The following TMEM68 variants were observed in gnomAD, a reference collection of about 807,000 sequenced individuals.
The protein encoded by TMEM68 is transmembrane protein 68, also known as DGAT1/2-independent enzyme synthesizing storage lipids.
A neutral mutation model predicts 36.9 loss-of-function variants in TMEM68; 25 were observed. The ratio of observed to expected loss-of-function variants is 0.68; its 90% CI spans 0.49 to 0.95. The LOEUF (loss-of-function observed/expected upper bound fraction) is 0.95, where lower values mean the gene tolerates loss of function less well. TMEM68 is among the 40% of genes least tolerant of loss of function. The pLI is 0.00. For missense variants in TMEM68, 333 were observed against 392.0 expected, an observed-to-expected ratio of 0.85 and a Z score of 1.27; for synonymous variants, 131 against 124.4, an observed-to-expected ratio of 1.05 and a Z score of -0.35.
At chr8:55,747,413 T>C (rs950882824) in intron 5 of TMEM68, 1 of 152,164 alleles carries the variant, frequency 6.6e-6, no homozygotes, top group South Asian at 2.1e-4. Context: ...TAAAATTTGA[T>C]GGAGTTAACT....
chr8:55,754,697 A>AATACATACTTATATATATATTATAT (rs1810531512), intron 4 of TMEM68, among the ~76,000 whole-genome samples: 1 of 130,192 alleles, frequency 7.7e-6, no homozygotes, highest in Admixed American at 8.9e-5. Flanking sequence ...TTATATATGA[A>AATACATACTTATATATATATTATAT]ATACATACTT....
intron 3 of TMEM68, among the ~76,000 whole-genome samples, chr8:55,759,928 C>G (rs1446842104): frequency 6.6e-6 from 1 of 152,240 alleles, no homozygotes; most frequent in Non-Finnish European, 1.5e-5. Context: ...TCCTTCCACA[C>G]TGCAAGCCCT....
chr8:55,754,719 A>ATATATAAAATACATACTTATATATAT (rs1810535390), intron 4 of TMEM68, among the ~76,000 whole-genome samples: 3 of 128,222 alleles, frequency 2.3e-5, no homozygotes, highest in Non-Finnish European at 4.7e-5. Flanking sequence ...TATATATATT[A>ATATATAAAATACATACTTATATATAT]TATATAAAAT....
chr8:55,767,851 C>T lies in TMEM68; in HGVS notation c.-114-3871G>A, dbSNP rs142225216. 4.5e-3 allele frequency among the ~76,000 whole-genome samples: 687 copies of T among 152,152 alleles called. 6 individuals carry two copies. In the East Asian group the frequency reaches 0.049, roughly 11 times the overall value. ...ACTTGGGAGGCTGAGGCAGGAGAAT[C>T]GCTTGGACCTGGGAGGCGGAGGTGC... On this transcript the variant is annotated intron_variant, in intron 1 of 7. Coordinates refer to ENST00000434581, the MANE Select transcript of TMEM68 (RefSeq NM_001286657.2).
chr8:55,740,217 G>A lies in TMEM68; in HGVS notation c.890C>T (p.Thr297Met). Residue 297 changes from threonine to methionine, a missense_variant and splice_region_variant, in exon 8 of 8, where the codon ACG (threonine) becomes ATG (methionine). Physicochemically the swap from Thr to Met is moderately conservative, Grantham distance 81. Coordinates refer to ENST00000434581, the MANE Select transcript of TMEM68 (RefSeq NM_001286657.2). The stretch of plus-strand genomic sequence containing the variant: ...AATCAAAGCTTGAACAGCATTCTTC[G>A]TCTATTAAGAAAACAAAAGAAAAGC... ...QITAEELAEKTKNAVQALIDK... is the reference protein window; with the variant it reads ...QITAEELAEKMKNAVQALIDK... 4.3e-6 allele frequency: 7 copies of A among 1,611,034 alleles called. No individual in the cohort carries two copies. The highest frequency in any genetic ancestry group is 2.2e-5 in the East Asian group (1 of 44,782).
At chr8:55,759,275 A>T (rs1020115423) in intron 3 of TMEM68, among the ~76,000 whole-genome samples, 3 of 147,560 alleles carry the variant, frequency 2.0e-5, no homozygotes, top group African/African-American at 7.5e-5. Flanking sequence ...AAAAAAAAAA[A>T]TTAAGTAAAT....
chr8:55,749,534 G>A (rs768622052), intron 5 of TMEM68, among the ~76,000 whole-genome samples: 4 of 152,070 alleles, frequency 2.6e-5, no homozygotes, highest in Non-Finnish European at 4.4e-5. Context: ...AGTCTTAGAC[G>A]TCAGCAGACT....
At chr8:55,762,100 G>GT (rs1810809591) in intron 3 of TMEM68, 1 of 152,220 alleles carries the variant, frequency 6.6e-6, no homozygotes, top group Admixed American at 6.5e-5. Context: ...AATTTCTCGA[G>GT]TAATAAAGAA....
Position 55,753,434 on chromosome 8 carries a change from TATA to T in TMEM68, c.494-2280_494-2278del, listed in dbSNP as rs568386649. Among the ~76,000 whole-genome samples, 223 of 152,328 alleles carry T rather than the reference TATA, an allele frequency of 1.5e-3. 1 individual carries two copies. Among genetic ancestry groups the T allele is most frequent in the African/African-American group, 5.2e-3 (215 of 41,570 alleles). The stretch of plus-strand genomic sequence containing the variant: ...AAACATTATGTTAAGATGGTAAGAT[TATA>T]ATGATGTTCTGTTTTTTAGTTTCCA... On this transcript the variant is annotated intron_variant, in intron 4 of 7. Transcript: ENST00000434581.
At chr8:55,768,794 C>T (rs1811055304) in intron 1 of TMEM68, among the ~76,000 whole-genome samples, 1 of 151,210 alleles carries the variant, frequency 6.6e-6, no homozygotes, top group Non-Finnish European at 1.5e-5. Flanking sequence ...TGCAGTGAGC[C>T]GAGATCATGC....
At chr8:55,749,562 A>C (rs920923029) in intron 5 of TMEM68, among the ~76,000 whole-genome samples, 1 of 152,194 alleles carries the variant, frequency 6.6e-6, no homozygotes, top group Non-Finnish European at 1.5e-5. Context: ...CAATGTAGTC[A>C]GGAATGGCAA....
intron 4 of TMEM68, among the ~76,000 whole-genome samples, chr8:55,755,741 G>A (rs932054055): frequency 6.6e-6 from 1 of 150,384 alleles, no homozygotes; most frequent in East Asian, 2.0e-4. Flanking sequence ...AATATAAATT[G>A]GCAAAAATCA....
chr8:55,762,256 T>A (rs1810817311), intron 3 of TMEM68: 1 of 219,804 alleles, frequency 4.5e-6, no homozygotes. Flanking sequence ...TTCATTTTTT[T>A]AAATCCACAC....
intron 3 of TMEM68, among the ~76,000 whole-genome samples, chr8:55,760,582 T>C (rs1490672473): frequency 6.6e-6 from 1 of 152,250 alleles, no homozygotes; most frequent in Non-Finnish European, 1.5e-5. Context: ...AATATTAGTC[T>C]GTTTCTTTCC....
chr8:55,767,304 G>A (rs1449805856), intron 1 of TMEM68, among the ~76,000 whole-genome samples: 4 of 151,874 alleles, frequency 2.6e-5, no homozygotes, highest in Non-Finnish European at 5.9e-5. Flanking sequence ...AAGCATCTAA[G>A]CATAGTTAAT....
chr8:55,748,710 C>T (rs1810353059), intron 5 of TMEM68, among the ~76,000 whole-genome samples: 1 of 152,064 alleles, frequency 6.6e-6, no homozygotes, highest in Non-Finnish European at 1.5e-5. Flanking sequence ...AGGCTCCAGT[C>T]ATCCTCCAAC....
intron 4 of TMEM68, among the ~76,000 whole-genome samples, chr8:55,754,444 A>AAT (rs769626273): frequency 0.33 from 32,887 of 99,604 alleles, 5,724 homozygotes; most frequent in East Asian, 0.43. Context: ...CTCTGTCTCG[A>AAT]ATATATATAT....
intron 3 of TMEM68, chr8:55,760,992 T>A (rs1308873523): frequency 6.6e-6 from 1 of 152,248 alleles, no homozygotes; most frequent in Non-Finnish European, 1.5e-5. Flanking sequence ...ACCAAGGTTC[T>A]CTCTGGTTTT....
intron 1 of TMEM68, among the ~76,000 whole-genome samples, chr8:55,766,504 GTAGTTGGGACTAAAGGTGCCC>G (rs1810967496): frequency 1.3e-5 from 2 of 151,424 alleles, no homozygotes; most frequent in African/African-American, 4.9e-5. Flanking sequence ...AGCCTCCCGA[GTAGTTGGGACTAAAGGTGCCC>G]GCCACCACGC....
Sources: allele counts gnomAD v4.1 joint callset (sites outside exome capture counted in the v4.1 genomes callset), GRCh38; gene constraint gnomAD v4.1.1; transcripts MANE v1.5; gene names NCBI Gene and HGNC (gene_info 2026-07-23, HGNC 2026-07-21).